Variants in DDX18 observed in about 807,000 individuals in gnomAD.
DDX18 encodes the protein DEAD-box helicase 18.
DDX18 carries 23 observed loss-of-function variants against 73.5 expected under a neutral mutation model. The observed-to-expected ratio is 0.31, with a 90% CI of 0.23 to 0.44. The LOEUF (loss-of-function observed/expected upper bound fraction) is 0.44, where lower values mean the gene tolerates loss of function less well. Ranked by LOEUF, DDX18 falls within the 20% of genes least tolerant of loss-of-function variation. The probability of loss-of-function intolerance (pLI) is 1.00; values close to 1 mark genes in which losing one functional copy is unlikely to be tolerated. For missense variants in DDX18, 753 were observed against 792.9 expected, an observed-to-expected ratio of 0.95 and a Z score of 0.60; for synonymous variants, 268 against 282.7, an observed-to-expected ratio of 0.95 and a Z score of 0.52.
rs1374864416 is a variant in DDX18 at position 117,831,693 on chromosome 2, A to G, written c.*969A>G. 6.6e-6 allele frequency: 1 copy of G among 152,102 alleles called. No individual in the cohort carries two copies. Among genetic ancestry groups the G allele is most frequent in the Non-Finnish European group, 1.5e-5 (1 of 68,006 alleles). 9.4% of individuals were successfully genotyped at this position (152,102 alleles called of 1,614,324 possible). A position where few individuals can be genotyped will look rare whatever the true frequency, so the allele number is the denominator to read the frequency against. On this transcript the variant is annotated 3_prime_UTR_variant, in exon 14 of 14. Coordinates refer to ENST00000263239, the MANE Select transcript of DDX18 (RefSeq NM_006773.4). ...GTTAGCTTCTTTCTGAGAAAAAAATACCTCTTCCAGGCCCTGAAACAAAAA... is the reference window on the plus strand; with the variant it reads ...GTTAGCTTCTTTCTGAGAAAAAAATGCCTCTTCCAGGCCCTGAAACAAAAA...
In DDX18 at chr2:117,830,690, A is replaced by G; in HGVS notation, c.1979A>G (p.Lys660Arg). 2 of 1,613,736 alleles carry G rather than the reference A, an allele frequency of 1.2e-6. No homozygotes were observed. The highest frequency in any genetic ancestry group is 1.7e-6 in the Non-Finnish European group (2 of 1,179,776). Reference protein sequence around the residue: ...EKSKIFKHISKKSSDSRQFSH With the variant: ...EKSKIFKHISRKSSDSRQFSH ...TCCAAAATCTTTAAACACATTAGCA[A>G]GAAATCATCTGACAGCAGGCAGTTC... The change falls in exon 14 of 14, where the codon AAG becomes AGG. Residue 660 changes from lysine to arginine, a missense_variant. This residue lies in a region of DDX18 where 402 missense variants were observed against 419.4 expected (regional missense o/e 0.96). Transcript: ENST00000263239.
rs754533674 is a variant in DDX18 at position 117,824,892 on chromosome 2, A to G, written c.1207-48A>G. On this transcript the variant is annotated intron_variant, in intron 8 of 13. Transcript: ENST00000263239. ...GAAATTACACAAGTTAGGAAATGGA[A>G]AATGTCCACTTGGTTCATTTGTATC... 1.9e-6 allele frequency: 3 copies of G among 1,554,394 alleles called. No homozygotes were observed. In the East Asian group the frequency reaches 6.8e-5, roughly 35 times the overall value.
intron 3 of DDX18, among the ~76,000 whole-genome samples, chr2:117,820,733 C>T (rs748953533): frequency 2.6e-5 from 4 of 152,120 alleles, no homozygotes; most frequent in Non-Finnish European, 5.9e-5. Context: ...GTATCTGACT[C>T]TTCTGTGTCT....
chr2:117,828,390 C>T (rs1318552982), intron 11 of DDX18: 1 of 152,232 alleles, frequency 6.6e-6, no homozygotes, highest in Non-Finnish European at 1.5e-5. Flanking sequence ...CATTTCATTA[C>T]TTATCTTTCT....
rs767691365 is a variant in DDX18, at chr2:117,819,744, A to C, written c.466A>C (p.Asn156His). ...AGAAAATAATGTGGAGAAGCCAGAT[A>C]ATGATGAAGATGAGAGTGAGGTGCC... is the stretch of plus-strand genomic sequence containing the variant. ...ETENNVEKPD[N>H]DEDESEVPSL... Residue 156 changes from asparagine (N) to histidine (H), a missense_variant, in exon 3 of 14, where the codon AAT becomes CAT. Transcript: ENST00000263239. 5 of 1,609,276 alleles carry C rather than the reference A, an allele frequency of 3.1e-6. No individual in the cohort carries two copies. In the South Asian group the frequency reaches 5.6e-5, roughly 18 times the overall value.
At chr2:117,815,466 G>A (rs1679742366) in intron 1 of DDX18, among the ~76,000 whole-genome samples, 1 of 152,128 alleles carries the variant, frequency 6.6e-6, no homozygotes, top group Non-Finnish European at 1.5e-5. Context: ...CTCATTTGCA[G>A]TCCCAGTGTC....
intron 9 of DDX18, 82 bp from the exon 10 acceptor site, chr2:117,825,365 G>T (rs1679908344): frequency 5.2e-6 from 8 of 1,530,896 alleles, no homozygotes; most frequent in Non-Finnish European, 7.1e-6. Flanking sequence ...TCGAAATAGG[G>T]TAACAGTTCC....
intron 8 of DDX18, 57 bp from the exon 9 acceptor site, chr2:117,824,883 G>C: frequency 6.5e-7 from 1 of 1,543,436 alleles, no homozygotes; most frequent in South Asian, 1.3e-5. Context: ...ACACAAGTTA[G>C]GAAATGGAAA....
chr2:117,821,961 T>C lies in DDX18; in HGVS notation c.851T>C (p.Leu284Ser). 1 of 1,614,076 alleles carries C rather than the reference T, an allele frequency of 6.2e-7. No homozygotes were observed. The highest frequency in any genetic ancestry group is 8.5e-7 in the Non-Finnish European group (1 of 1,179,952). ...LMTHHVHTYG[L>S]IMGGSNRSAE... is the part of the protein sequence containing the mutation. ...ACTCACCACGTGCATACCTATGGCT[T>C]GATAATGGGTGGCAGTAACAGATCT... Residue 284 changes from leucine (L) to serine (S), a missense_variant, in exon 6 of 14, where the codon TTG becomes TCG. This residue lies in a region of DDX18 where 345 missense variants were observed against 352.0 expected (regional missense o/e 0.98). Coordinates refer to ENST00000263239, the MANE Select transcript of DDX18 (RefSeq NM_006773.4).
At chr2:117,826,515 A>T (rs867505229) in intron 11 of DDX18, 133 bp downstream of exon 11, 1 of 813,012 alleles carries the variant, frequency 1.2e-6, no homozygotes, top group African/African-American at 1.7e-5. Context: ...TTAAGCAAGT[A>T]AGGTTTTATG....
At chr2:117,826,533 A>T in intron 11 of DDX18, 151 bp downstream of exon 11, 1 of 708,164 alleles carries the variant, frequency 1.4e-6, no homozygotes, top group Non-Finnish European at 2.3e-6. Context: ...ATGTACTTCT[A>T]GCCCAAGAAG....
intron 11 of DDX18, chr2:117,827,144 G>C (rs1186818864): frequency 6.6e-6 from 1 of 152,156 alleles, no homozygotes; most frequent in African/African-American, 2.4e-5. Context: ...TTCTGGCATA[G>C]TCTTGATGAT....
intron 11 of DDX18, chr2:117,827,877 G>A (rs546499974): frequency 8.0e-4 from 122 of 152,242 alleles, no homozygotes; most frequent in African/African-American, 2.7e-3. Flanking sequence ...GTATTTCTAG[G>A]TCTAGATCCT....
At chr2:117,830,464 T>C in intron 13 of DDX18, 118 bp from the exon 14 acceptor site, 1 of 1,219,436 alleles carries the variant, frequency 8.2e-7, no homozygotes, top group South Asian at 1.7e-5. Context: ...CACATTTTCA[T>C]TGTTGAGAAT....
intron 9 of DDX18, 143 bp downstream of exon 9, chr2:117,825,244 G>A: frequency 8.0e-7 from 1 of 1,250,104 alleles, no homozygotes; most frequent in Non-Finnish European, 1.1e-6. Context: ...GTGTGGGGGA[G>A]CGCTGCTGGG....
Position 117,830,891 on chromosome 2 carries a change from T to C in DDX18, c.*167T>C. The C allele has an allele frequency of 1.4e-6, 1 of 729,822 alleles. No homozygotes were observed. The highest frequency in any genetic ancestry group is 3.6e-5 in the Admixed American group (1 of 27,954). The allele number at this position is 729,822 out of a possible 1,614,324, so 45.2% of individuals were successfully genotyped here. ...ACTGTTACTTCTATCACGTCTCTCT[T>C]TTATTTCTGGGATATAAAACAGGCT... On this transcript the variant is annotated 3_prime_UTR_variant, in exon 14 of 14. Transcript: ENST00000263239.
intron 4 of DDX18, 125 bp from the exon 5 acceptor site, chr2:117,821,525 G>A: frequency 1.7e-6 from 2 of 1,160,066 alleles, no homozygotes; most frequent in East Asian, 2.5e-5. Context: ...TAACCCAGGT[G>A]ATCAATTTCA....
chr2:117,822,132 C>A lies in DDX18; in HGVS notation c.952-15C>A, dbSNP rs1679855802. On this transcript the variant is annotated splice_polypyrimidine_tract_variant and intron_variant, in intron 6 of 13. Coordinates refer to ENST00000263239, the MANE Select transcript of DDX18 (RefSeq NM_006773.4). The stretch of plus-strand genomic sequence containing the variant: ...CTGACAACTAATGGTTGTTCTTTGT[C>A]CTTTGTTTTGTTAGAATACCCCAGG... 6.2e-7 allele frequency: 1 copy of A among 1,613,460 alleles called. No homozygotes were observed. The highest frequency in any genetic ancestry group is 1.3e-5 in the African/African-American group (1 of 74,876).
At chr2:117,826,442 T>C (rs1283124843) in intron 11 of DDX18, 60 bp downstream of exon 11, 2 of 1,489,224 alleles carry the variant, frequency 1.3e-6, no homozygotes, top group East Asian at 4.6e-5. Flanking sequence ...GCAAGCAACA[T>C]TTCTACATGT....
Sources: gnomAD v4.1 joint callset for allele counts (sites outside exome capture counted in the v4.1 genomes callset) on GRCh38, gnomAD v4.1.1 for gene constraint, gnomAD v4.1.1 regional missense constraint, MANE v1.5 for transcripts, NCBI Gene and HGNC (gene_info 2026-07-23, HGNC 2026-07-21) for gene names.